The following TMEM132C variants were observed in gnomAD, a reference collection of about 807,000 sequenced individuals.
TMEM132C encodes transmembrane protein 132C, also known as protein phosphatase 1, regulatory subunit 152.
A neutral mutation model predicts 61.4 loss-of-function variants in TMEM132C; 29 were observed. The observed-to-expected ratio is 0.47, with a 90% confidence interval of 0.35 to 0.64. TMEM132C has a LOEUF of 0.64. Ranked by LOEUF, TMEM132C falls within the 30% of genes least tolerant of loss-of-function variation. The pLI, the probability that TMEM132C is intolerant of heterozygous loss-of-function variation, is 0.00. For synonymous variants in TMEM132C, 656 were observed against 633.1 expected, an observed-to-expected ratio of 1.04 and a Z score of -0.54; for missense variants, 1,408 against 1,476.9, an observed-to-expected ratio of 0.95 and a Z score of 0.76.
chr12:128,637,820 G>A (rs920887944), intron 4 of TMEM132C, among the ~76,000 whole-genome samples: 5 of 152,206 alleles, frequency 3.3e-5, no homozygotes, highest in Non-Finnish European at 5.9e-5. Flanking sequence ...GAAGCTCCCA[G>A]AACAGAACTT....
At position 128,669,535 on chromosome 12, in the gene TMEM132C, A is replaced by G; in HGVS notation, c.1424A>G (p.Lys475Arg). ...GACATCTCAGAGTCGGTGGAGTGCA[A>G]GTCCACAGACGAGGACGTTATCAAA... is the stretch of plus-strand genomic sequence containing the variant. ...VMDISESVEC[K>R]STDEDVIKVS... The change falls in exon 5 of 9, where the codon AAG (lysine) becomes AGG (arginine). Residue 475 changes from lysine (K) to arginine (R), a missense_variant. Coordinates refer to ENST00000435159, the MANE Select transcript of TMEM132C (RefSeq NM_001136103.3). The G allele has an allele frequency of 6.4e-7, 1 of 1,551,662 alleles. No homozygotes were observed. The highest frequency in any genetic ancestry group is 8.7e-7 in the Non-Finnish European group (1 of 1,146,968).
intron 1 of TMEM132C, among the ~76,000 whole-genome samples, chr12:128,325,096 A>G (rs1471837963): frequency 2.0e-5 from 3 of 152,186 alleles, no homozygotes; most frequent in African/African-American, 7.2e-5. Context: ...ACTCTGCAGA[A>G]GGGCAGCGGC....
intron 1 of TMEM132C, among the ~76,000 whole-genome samples, chr12:128,277,721 A>G (rs1870741757): frequency 6.6e-6 from 1 of 152,338 alleles, no homozygotes; most frequent in East Asian, 1.9e-4. Context: ...GGGAATCAAA[A>G]GCCACTGGAT....
chr12:128,415,238 C>T lies in TMEM132C; in HGVS notation c.592C>T (p.Leu198=). The change falls in exon 2 of 9, where the codon CTG becomes TTG. Residue 198 remains leucine (L), a synonymous_variant. Coordinates refer to ENST00000435159, the MANE Select transcript of TMEM132C (RefSeq NM_001136103.3). This position sits in a 1 kb window ranked among gnomAD's most constrained non-coding sequence, Gnocchi z 5.8. ...GGACCTGGGGCTGTGTGTGGCTGAGCTGGAGCTCCTGTCCAGCTGGTTCAG... is the reference window on the plus strand; with the variant it reads ...GGACCTGGGGCTGTGTGTGGCTGAGTTGGAGCTCCTGTCCAGCTGGTTCAG... ...KGDLGLCVAE[L]ELLSSWFSAP... The T allele has an allele frequency of 6.2e-7, 1 of 1,608,460 alleles. No individual in the cohort carries two copies. Among genetic ancestry groups the T allele is most frequent in the Non-Finnish European group, 8.5e-7 (1 of 1,177,558 alleles).
chr12:128,606,517 C>G (rs1212253708), intron 3 of TMEM132C, among the ~76,000 whole-genome samples: 1 of 152,228 alleles, frequency 6.6e-6, no homozygotes, highest in Non-Finnish European at 1.5e-5. Flanking sequence ...GGGAGATTTC[C>G]CATTTTTAAA....
intron 2 of TMEM132C, among the ~76,000 whole-genome samples, chr12:128,523,481 A>G (rs1038709532): frequency 1.3e-5 from 2 of 152,156 alleles, no homozygotes; most frequent in Non-Finnish European, 2.9e-5. Flanking sequence ...TTTGAGCTGA[A>G]AAAATCTGGA....
At chr12:128,480,325 TG>T (rs1232229546) in intron 2 of TMEM132C, among the ~76,000 whole-genome samples, 2 of 152,376 alleles carry the variant, frequency 1.3e-5, no homozygotes, top group East Asian at 3.9e-4. Context: ...ATTTGGCTTC[TG>T]TGATTATTCT....
At chr12:128,387,239 G>A (rs774081427) in intron 1 of TMEM132C, among the ~76,000 whole-genome samples, 17 of 151,172 alleles carry the variant, frequency 1.1e-4, no homozygotes, top group Non-Finnish European at 2.2e-4. Context: ...TCGGGAACCC[G>A]CAGGACAAGT....
intron 2 of TMEM132C, among the ~76,000 whole-genome samples, chr12:128,435,253 T>C (rs7980797): frequency 0.58 from 88,407 of 151,968 alleles, 25,927 homozygotes; most frequent in Middle Eastern, 0.6. Context: ...TACTCTGTGA[T>C]GGCAGCCCTA....
intron 2 of TMEM132C, among the ~76,000 whole-genome samples, chr12:128,486,950 G>A (rs1435907891): frequency 1.3e-5 from 2 of 151,708 alleles, no homozygotes; most frequent in Non-Finnish European, 2.9e-5. Context: ...TAGTACTAGT[G>A]TGAAATCCAA....
rs577805394 is a variant in TMEM132C at position 128,540,655 on chromosome 12, C to T, written c.975-3302C>T. Among the ~76,000 whole-genome samples the T allele has an allele frequency of 8.9e-4, 136 of 152,262 alleles. 2 individuals carry two copies. The South Asian group carries it at 0.02, about 23-fold the overall frequency. On this transcript the variant is annotated intron_variant, in intron 2 of 8. Transcript: ENST00000435159. ...GCGTTTGCCTGTTTCAGTCTTTCTG[C>T]GTGGACAAATACAAACTACTTCCTC...
At chr12:128,684,295 C>T (rs1245130177) in intron 5 of TMEM132C, among the ~76,000 whole-genome samples, 8 of 139,422 alleles carry the variant, frequency 5.7e-5, no homozygotes, top group Admixed American at 2.7e-4. Context: ...AAGAAAGAAT[C>T]CTGGTTTCAT....
At chr12:128,465,141 C>T (rs527996140) in intron 2 of TMEM132C, among the ~76,000 whole-genome samples, 5 of 152,082 alleles carry the variant, frequency 3.3e-5, no homozygotes, top group Non-Finnish European at 5.9e-5. Context: ...CTTCTTTAAA[C>T]CCCTGGTGAG....
chr12:128,669,472 T>A lies in TMEM132C; in HGVS notation c.1361T>A (p.Ile454Asn). ...ACAGGAAAGACAGTTGCCATGCCTATCAAGGTGGTCTCTGTGGAGGAGAAC... is the reference window on the plus strand; with the variant it reads ...ACAGGAAAGACAGTTGCCATGCCTAACAAGGTGGTCTCTGTGGAGGAGAAC... ...VLTGKTVAMP[I>N]KVVSVEENSA... The change falls in exon 5 of 9, where the codon ATC becomes AAC. Residue 454 changes from isoleucine to asparagine, a missense_variant. By Grantham distance (149) the Ile-to-Asn change is moderately radical. Transcript: ENST00000435159. 6.4e-7 allele frequency: 1 copy of A among 1,551,698 alleles called. No individual in the cohort carries two copies. The highest frequency in any genetic ancestry group is 8.7e-7 in the Non-Finnish European group (1 of 1,146,988).
At chr12:128,425,655 G>A (rs1325524713) in intron 2 of TMEM132C, among the ~76,000 whole-genome samples, 1 of 152,194 alleles carries the variant, frequency 6.6e-6, no homozygotes, top group Non-Finnish European at 1.5e-5. Context: ...GTGCCAGCAA[G>A]GCCATGCTCC....
intron 1 of TMEM132C, among the ~76,000 whole-genome samples, chr12:128,405,803 G>A (rs575990521): frequency 1.3e-5 from 2 of 152,272 alleles, no homozygotes; most frequent in South Asian, 4.2e-4. Context: ...GATTGAGGGA[G>A]GTGTGAAGCT....
chr12:128,625,547 T>G (rs547542166), intron 4 of TMEM132C, among the ~76,000 whole-genome samples: 87 of 152,290 alleles, frequency 5.7e-4, no homozygotes, highest in African/African-American at 2.0e-3. Flanking sequence ...GCAAGTCACA[T>G]CTTACATGGA....
intron 1 of TMEM132C, among the ~76,000 whole-genome samples, chr12:128,365,578 C>G (rs979538455): frequency 6.6e-6 from 1 of 152,126 alleles, no homozygotes; most frequent in Admixed American, 6.5e-5. Flanking sequence ...TTTCTTAGAG[C>G]CGGAAAGCAT....
In TMEM132C at chr12:128,621,260, A is replaced by C. The variant is rs186001739; in HGVS notation, c.1305+4925A>C. 2.8e-3 allele frequency among the ~76,000 whole-genome samples: 430 copies of C among 152,318 alleles called. 3 individuals carry two copies. Among genetic ancestry groups the C allele is most frequent in the Middle Eastern group, 0.01 (3 of 294 alleles). On this transcript the variant is annotated intron_variant, in intron 4 of 8. Transcript: ENST00000435159. ...TCCCAAGAAAGCAGGTTGAAGTCCT[A>C]ACTCCTGGAGCCAGTGAATGTGACC...
Sources: gnomAD v4.1 joint callset for allele counts (sites outside exome capture counted in the v4.1 genomes callset) on GRCh38, gnomAD v4.1.1 for gene constraint, Gnocchi (gnomAD v3.1) non-coding constraint, MANE v1.5 for transcripts, NCBI Gene and HGNC (gene_info 2026-07-23, HGNC 2026-07-21) for gene names.